PARD3: variants seen among roughly 807,000 people sequenced by gnomAD.
The protein encoded by PARD3 is partitioning defective 3 homolog.
In PARD3, 75 loss-of-function variants were observed where a neutral mutation model predicts 155.4. That is an observed-to-expected ratio of 0.48 (90% CI 0.40 to 0.58). The LOEUF (loss-of-function observed/expected upper bound fraction) is 0.58, where lower values mean the gene tolerates loss of function less well. PARD3 is among the 20% of genes least tolerant of loss of function. The probability of loss-of-function intolerance (pLI) is 0.00; values close to 1 mark genes in which losing one functional copy is unlikely to be tolerated. For synonymous variants in PARD3, 576 were observed against 610.5 expected, an observed-to-expected ratio of 0.94 and a Z score of 0.83; for missense variants, 1,642 against 1,721.7, an observed-to-expected ratio of 0.95 and a Z score of 0.82.
chr10:34,606,041 A>T (rs186111542), intron 2 of PARD3, among the ~76,000 whole-genome samples: 1,847 of 135,378 alleles, frequency 0.014, 103 homozygotes, highest in African/African-American at 0.051. Flanking sequence ...ATATATATAT[A>T]TCTTCTATAT....
chr10:34,776,798 G>A (rs967974319), intron 1 of PARD3, among the ~76,000 whole-genome samples: 2 of 136,218 alleles, frequency 1.5e-5, no homozygotes, highest in African/African-American at 5.5e-5. Flanking sequence ...ACAAATTAAG[G>A]AGACTATTTC....
chr10:34,526,079 T>C (rs572646375), intron 2 of PARD3, among the ~76,000 whole-genome samples: 71 of 30,076 alleles, frequency 2.4e-3, no homozygotes, highest in African/African-American at 0.014. Flanking sequence ...AGACTCCGTA[T>C]CAAAAAAAAA....
chr10:34,474,371 C>T (rs1206812320), intron 3 of PARD3, among the ~76,000 whole-genome samples: 3 of 152,212 alleles, frequency 2.0e-5, no homozygotes, highest in Non-Finnish European at 4.4e-5. Context: ...AAGACTTCTT[C>T]ATCTCTCACA....
intron 20 of PARD3, among the ~76,000 whole-genome samples, chr10:34,305,317 G>C (rs1490536482): frequency 1.3e-5 from 2 of 152,178 alleles, no homozygotes; most frequent in Non-Finnish European, 2.9e-5. Context: ...ACCTAGCAGC[G>C]GTAGTGAAAG....
At chr10:34,726,625 G>A (rs2094718037) in intron 1 of PARD3, among the ~76,000 whole-genome samples, 1 of 152,052 alleles carries the variant, frequency 6.6e-6, no homozygotes, top group African/African-American at 2.4e-5. Context: ...GCTGGGCGTG[G>A]TGACAGGCAC....
At chr10:34,693,962 T>A (rs1254253811) in intron 2 of PARD3, among the ~76,000 whole-genome samples, 3 of 152,178 alleles carry the variant, frequency 2.0e-5, no homozygotes, top group Non-Finnish European at 2.9e-5. Flanking sequence ...TGTGTTTCTA[T>A]CTATCTGAAG....
At chr10:34,803,280 G>GA (rs1398637735) in intron 1 of PARD3, among the ~76,000 whole-genome samples, 1 of 151,312 alleles carries the variant, frequency 6.6e-6, no homozygotes, top group African/African-American at 2.4e-5. Context: ...TAGAAGGCAG[G>GA]AATCACGTGC....
intron 1 of PARD3, among the ~76,000 whole-genome samples, chr10:34,764,087 G>A (rs1177262332): frequency 6.6e-6 from 1 of 152,200 alleles, no homozygotes; most frequent in African/African-American, 2.4e-5. Context: ...CAAGGACTAA[G>A]GTGCATCACC....
chr10:34,736,868 G>C (rs1213248920), intron 1 of PARD3, among the ~76,000 whole-genome samples: 1 of 151,960 alleles, frequency 6.6e-6, no homozygotes, highest in Non-Finnish European at 1.5e-5. Context: ...GTAGAAACAG[G>C]GTTTCGCCAT....
At chr10:34,207,578 G>A (rs770935904) in intron 22 of PARD3, among the ~76,000 whole-genome samples, 6 of 152,154 alleles carry the variant, frequency 3.9e-5, no homozygotes, top group African/African-American at 9.7e-5. Flanking sequence ...GACAAAGCAA[G>A]TTACACAAAT....
chr10:34,289,494 C>T (rs2133960952), intron 20 of PARD3, among the ~76,000 whole-genome samples: 1 of 146,162 alleles, frequency 6.8e-6, no homozygotes, highest in Admixed American at 6.7e-5. Context: ...CTGGCCAGAT[C>T]TTAATAATAA....
rs187838946 is a variant in PARD3 at position 34,596,174 on chromosome 10, T to C, written c.223-79015A>G. On this transcript the variant is annotated intron_variant, in intron 2 of 24. Transcript: ENST00000374788. ...CAGATCAGATGAGATTCAGCATGCC[T>C]GTGGAAATAACTTTGGGAGCACTCA... 2.9e-3 allele frequency among the ~76,000 whole-genome samples: 443 copies of C among 152,246 alleles called. 1 individual carries two copies. The highest frequency in any genetic ancestry group is 9.7e-3 in the African/African-American group (403 of 41,546).
At chr10:34,337,246 A>C in intron 17 of PARD3, 29 bp downstream of exon 17, 7 of 1,413,220 alleles carry the variant, frequency 5.0e-6, no homozygotes, top group African/African-American at 1.5e-5. Flanking sequence ...AAACTTATTT[A>C]GATAAAGATT....
intron 5 of PARD3, among the ~76,000 whole-genome samples, chr10:34,431,343 A>G (rs1271064711): frequency 1.3e-5 from 2 of 152,244 alleles, no homozygotes; most frequent in East Asian, 3.8e-4. Context: ...AAGGAACAGA[A>G]TTGATTTTAA....
At chr10:34,419,440 C>G (rs1250718775) in intron 5 of PARD3, among the ~76,000 whole-genome samples, 2 of 152,082 alleles carry the variant, frequency 1.3e-5, no homozygotes, top group Non-Finnish European at 2.9e-5. Flanking sequence ...TTGCTTGAAC[C>G]CAGCAGGCGG....
intron 1 of PARD3, among the ~76,000 whole-genome samples, chr10:34,723,463 T>C (rs970248980): frequency 2.6e-5 from 4 of 152,230 alleles, no homozygotes; most frequent in African/African-American, 9.6e-5. Context: ...GATTGCTTTT[T>C]TCCTTAAAGA....
chr10:34,402,395 C>A (rs1043597754), intron 5 of PARD3, among the ~76,000 whole-genome samples: 3 of 152,158 alleles, frequency 2.0e-5, no homozygotes, highest in Admixed American at 6.6e-5. Flanking sequence ...AGTCATGTTT[C>A]TCAGTTCTTG....
intron 22 of PARD3, among the ~76,000 whole-genome samples, chr10:34,225,462 CA>C (rs777327769): frequency 6.6e-6 from 1 of 152,058 alleles, no homozygotes; most frequent in Non-Finnish European, 1.5e-5. Context: ...TCCCTTGCCT[CA>C]GCCTCCCAAG....
At chr10:34,711,551 T>G (rs1246810374) in intron 1 of PARD3, among the ~76,000 whole-genome samples, 1 of 152,142 alleles carries the variant, frequency 6.6e-6, no homozygotes, top group Non-Finnish European at 1.5e-5. Flanking sequence ...AGAACACATT[T>G]GTCACTTAAT....
Sources: gnomAD v4.1 joint callset for allele counts (sites outside exome capture counted in the v4.1 genomes callset) on GRCh38, gnomAD v4.1.1 for gene constraint, MANE v1.5 for transcripts, NCBI Gene and HGNC (gene_info 2026-07-23, HGNC 2026-07-21) for gene names.